The following LRRTM4 variants were observed in gnomAD, a reference collection of about 807,000 sequenced individuals.
LRRTM4 encodes the protein leucine rich repeat transmembrane neuronal 4.
A neutral mutation model predicts 47.6 loss-of-function variants in LRRTM4; 25 were observed. The observed-to-expected ratio is 0.53, with a 90% CI of 0.38 to 0.73. The LOEUF is 0.73. Among genes scored for constraint, LRRTM4 ranks in the 30% least tolerant of loss-of-function variants. LRRTM4 has a pLI of 0.00. For synonymous variants in LRRTM4, 311 were observed against 269.5 expected, an observed-to-expected ratio of 1.15 and a Z score of -1.51; for missense variants, 638 against 713.4, an observed-to-expected ratio of 0.89 and a Z score of 1.20.
intron 3 of LRRTM4, among the ~76,000 whole-genome samples, chr2:77,066,668 A>G (rs758044502): frequency 5.3e-5 from 8 of 152,228 alleles, no homozygotes; most frequent in Non-Finnish European, 1.2e-4. Context: ...AGAGGTATAC[A>G]AATCGTATAG....
At chr2:77,368,515 T>A (rs113765900) in intron 3 of LRRTM4, among the ~76,000 whole-genome samples, 2 of 151,828 alleles carry the variant, frequency 1.3e-5, no homozygotes, top group African/African-American at 4.8e-5. Context: ...GATAGTTCAA[T>A]ATTCCTATTT....
intron 3 of LRRTM4, among the ~76,000 whole-genome samples, chr2:77,351,721 T>A (rs187641748): frequency 1.5e-3 from 224 of 151,294 alleles, no homozygotes; most frequent in Non-Finnish European, 2.5e-3. Flanking sequence ...TGATTTATAT[T>A]GAGTCATGAA....
chr2:77,243,186 G>C (rs1179160470), intron 3 of LRRTM4, among the ~76,000 whole-genome samples: 1 of 152,092 alleles, frequency 6.6e-6, no homozygotes, highest in Admixed American at 6.5e-5. Flanking sequence ...GCCGAGGCGG[G>C]TGGATCACCT....
intron 3 of LRRTM4, among the ~76,000 whole-genome samples, chr2:77,248,811 A>T (rs780439269): frequency 2.0e-5 from 3 of 152,204 alleles, no homozygotes; most frequent in Non-Finnish European, 4.4e-5. Flanking sequence ...AATCTTTCCA[A>T]CAAATGATGT....
chr2:77,067,718 T>C (rs10194549), intron 3 of LRRTM4, among the ~76,000 whole-genome samples: 63,213 of 146,214 alleles, frequency 0.43, 16,577 homozygotes, highest in African/African-American at 0.74. Context: ...CACACACACA[T>C]ACATATTTCA....
In LRRTM4 at chr2:77,179,404, C is replaced by T. The variant is rs539121428; in HGVS notation, c.1551+338914G>A. Among the ~76,000 whole-genome samples the T allele has an allele frequency of 3.5e-3, 534 of 152,206 alleles. 5 individuals carry two copies. Among genetic ancestry groups the T allele is most frequent in the Non-Finnish European group, 3.9e-3 (262 of 67,990 alleles). Reference sequence around the variant, plus strand: ...TTACAGATGTCCTGAGTCAGAGGTTCTTGAAATATTTAACTTTTTCCCTTG... The same window carrying T: ...TTACAGATGTCCTGAGTCAGAGGTTTTTGAAATATTTAACTTTTTCCCTTG... On this transcript the variant is annotated intron_variant, in intron 3 of 3. Transcript: ENST00000409884.
chr2:76,873,653 A>G (rs972452507), intron 3 of LRRTM4, among the ~76,000 whole-genome samples: 2 of 151,266 alleles, frequency 1.3e-5, no homozygotes, highest in African/African-American at 2.4e-5. Context: ...TTTAAATTCT[A>G]TGATAGCTTT....
intron 3 of LRRTM4, among the ~76,000 whole-genome samples, chr2:77,407,452 A>G (rs905693979): frequency 6.6e-6 from 1 of 150,908 alleles, no homozygotes; most frequent in Non-Finnish European, 1.5e-5. Context: ...TTTTGAGCGC[A>G]GGTTTTGTTA....
chr2:77,377,228 C>T (rs559367907), intron 3 of LRRTM4, among the ~76,000 whole-genome samples: 2 of 151,810 alleles, frequency 1.3e-5, no homozygotes, highest in African/African-American at 4.8e-5. Flanking sequence ...TCACTCATTT[C>T]TTTTCTTGAA....
Position 77,521,802 on chromosome 2 carries a change from T to A in LRRTM4, c.-131A>T. On this transcript the variant is annotated 5_prime_UTR_variant, in exon 2 of 4. Transcript: ENST00000409884. The stretch of plus-strand genomic sequence containing the variant: ...CACCATTCTGATCCCGCATGTGAGC[T>A]AGTAGCCCCATACAAACTTCCCCGA... The A allele has an allele frequency of 1.3e-6, 1 of 796,118 alleles. No individual in the cohort carries two copies. The highest frequency in any genetic ancestry group is 2.7e-5 in the East Asian group (1 of 37,586). 49.3% of individuals were successfully genotyped at this position (796,118 alleles called of 1,614,324 possible).
intron 3 of LRRTM4, among the ~76,000 whole-genome samples, chr2:77,337,454 A>C (rs1671207227): frequency 6.6e-6 from 1 of 152,076 alleles, no homozygotes; most frequent in Admixed American, 6.6e-5. Flanking sequence ...TAGAATTGTA[A>C]TCCCAATAAT....
chr2:76,927,402 G>A (rs553871629), intron 3 of LRRTM4, among the ~76,000 whole-genome samples: 2 of 152,062 alleles, frequency 1.3e-5, no homozygotes, highest in Non-Finnish European at 1.5e-5. Context: ...GTAAACTTTT[G>A]TTCTTCCTGA....
At chr2:76,816,819 GTTTTTTTTTTTTTTTTTTT>G (rs201525166) in intron 3 of LRRTM4, among the ~76,000 whole-genome samples, 65 of 96,550 alleles carry the variant, frequency 6.7e-4, no homozygotes, top group Middle Eastern at 4.8e-3. Flanking sequence ...GAGGTAAAGA[GTTTTTTTTTTTTTTTTTTT>G]TTTTTTTTTT....
chr2:77,231,444 C>T (rs1028120959), intron 3 of LRRTM4, among the ~76,000 whole-genome samples: 11 of 152,000 alleles, frequency 7.2e-5, no homozygotes, highest in Middle Eastern at 3.4e-3. Context: ...TAGTCCATGG[C>T]CTGTTTTTAC....
chr2:76,819,258 T>C (rs2860871), intron 3 of LRRTM4, among the ~76,000 whole-genome samples: 49,520 of 151,328 alleles, frequency 0.33, 8,683 homozygotes, highest in East Asian at 0.6. Context: ...TAAAAATATA[T>C]GAGACAGATG....
intron 3 of LRRTM4, among the ~76,000 whole-genome samples, chr2:77,513,853 A>G (rs1279583841): frequency 6.6e-6 from 1 of 152,068 alleles, no homozygotes; most frequent in Non-Finnish European, 1.5e-5. Context: ...GGCATGAGCC[A>G]CTGCACCTGA....
chr2:77,005,836 G>A (rs566112900), intron 3 of LRRTM4, among the ~76,000 whole-genome samples: 1 of 152,238 alleles, frequency 6.6e-6, no homozygotes, highest in Admixed American at 6.5e-5. Flanking sequence ...AGCAGTGTGA[G>A]AACAGACTAA....
At chr2:77,343,331 T>G (rs1315461350) in intron 3 of LRRTM4, among the ~76,000 whole-genome samples, 1 of 151,956 alleles carries the variant, frequency 6.6e-6, no homozygotes, top group Non-Finnish European at 1.5e-5. Flanking sequence ...GAAAACATAT[T>G]TTAATGTTTC....
chr2:77,068,086 C>A (rs1033631556), intron 3 of LRRTM4, among the ~76,000 whole-genome samples: 1 of 152,024 alleles, frequency 6.6e-6, no homozygotes, highest in Non-Finnish European at 1.5e-5. Context: ...GATATATGGA[C>A]AAGAGATATA....
Sources: gnomAD v4.1 joint callset for allele counts (sites outside exome capture counted in the v4.1 genomes callset) on GRCh38, gnomAD v4.1.1 for gene constraint, MANE v1.5 for transcripts, NCBI Gene and HGNC (gene_info 2026-07-23, HGNC 2026-07-21) for gene names.